Variants in EBAG9 observed in about 807,000 individuals in gnomAD.
EBAG9 encodes the protein receptor-binding cancer antigen expressed on SiSo cells.
In EBAG9, 16 loss-of-function variants were observed where a neutral mutation model predicts 30.9. The ratio of observed to expected loss-of-function variants is 0.52; its 90% CI spans 0.35 to 0.79. The LOEUF (loss-of-function observed/expected upper bound fraction) is 0.79, where lower values mean the gene tolerates loss of function less well. Ranked by LOEUF, EBAG9 falls within the 30% of genes least tolerant of loss-of-function variation. The probability of loss-of-function intolerance (pLI) is 0.01; values close to 1 mark genes in which losing one functional copy is unlikely to be tolerated. For missense variants in EBAG9, 197 were observed against 242.1 expected (o/e 0.81, Z 1.24); for synonymous variants, 93 against 82.8 (o/e 1.12, Z -0.67).
intron 5 of EBAG9, among the ~76,000 whole-genome samples, chr8:109,559,323 G>A (rs1821665887): frequency 1.3e-5 from 2 of 152,076 alleles, no homozygotes; most frequent in South Asian, 2.1e-4. Context: ...GGGTGTGGTG[G>A]TGCGTGCCTG....
At chr8:109,548,887 C>CTTTTTTTTTTTTTTTTTTTTTTTT (rs548152043) in intron 1 of EBAG9, among the ~76,000 whole-genome samples, 6 of 125,120 alleles carry the variant, frequency 4.8e-5, no homozygotes, top group East Asian at 2.2e-4. Context: ...TTTCTTTTTT[C>CTTTTTTTTTTTTTTTTTTTTTTTT]TTTTTTTTTT....
intron 1 of EBAG9, among the ~76,000 whole-genome samples, chr8:109,546,946 T>C (rs542343092): frequency 2.0e-5 from 3 of 152,374 alleles, no homozygotes; most frequent in South Asian, 2.1e-4. Flanking sequence ...CCTGTTGATA[T>C]ACATTTGTGT....
At chr8:109,550,399 G>T (rs1821468550) in intron 1 of EBAG9, 1 of 153,554 alleles carries the variant, frequency 6.5e-6, no homozygotes, top group African/African-American at 2.4e-5. Flanking sequence ...TCTATAAAAT[G>T]GATATAAGGA....
At chr8:109,561,052 A>G (rs1821700977) in intron 6 of EBAG9, 123 bp downstream of exon 6, 1 of 747,252 alleles carries the variant, frequency 1.3e-6, no homozygotes, top group East Asian at 2.8e-5. Context: ...ATCCTTAGAT[A>G]ATAAGGACTT....
intron 1 of EBAG9, among the ~76,000 whole-genome samples, chr8:109,543,509 T>C (rs142509542): frequency 2.5e-4 from 38 of 152,304 alleles, no homozygotes; most frequent in African/African-American, 8.9e-4. Flanking sequence ...TGTTTGGAAC[T>C]TTCGTATTGA....
intron 2 of EBAG9, among the ~76,000 whole-genome samples, chr8:109,552,329 C>G (rs920330317): frequency 1.3e-5 from 2 of 150,572 alleles, no homozygotes; most frequent in African/African-American, 4.9e-5. Flanking sequence ...TCTGGATGAT[C>G]ACTGGGGCAG....
chr8:109,550,657 A>G, intron 1 of EBAG9, 153 bp from the exon 2 acceptor site: 1 of 546,138 alleles, frequency 1.8e-6, no homozygotes, highest in South Asian at 2.5e-5. Flanking sequence ...AATATGATTT[A>G]AATTATAATT....
At chr8:109,543,135 C>CT (rs557388998) in intron 1 of EBAG9, among the ~76,000 whole-genome samples, 3,701 of 52,338 alleles carry the variant, frequency 0.071, 536 homozygotes, top group Non-Finnish European at 0.11. Flanking sequence ...TATTCTGGTT[C>CT]TTTTTTTTTT....
chr8:109,559,982 GA>G (rs1821679542), intron 5 of EBAG9, among the ~76,000 whole-genome samples: 1 of 152,126 alleles, frequency 6.6e-6, no homozygotes, highest in Admixed American at 6.5e-5. Flanking sequence ...ATTTTTAACA[GA>G]GTATGGTATT....
At position 109,556,946 on chromosome 8, in the gene EBAG9, G is replaced by A; in HGVS notation, c.333G>A (p.Lys111=). The change falls in exon 5 of 7, where the codon AAG becomes AAA. Residue 111 remains lysine (K), a synonymous_variant. Coordinates refer to ENST00000337573, the MANE Select transcript of EBAG9 (RefSeq NM_004215.5). ...TIRKTQKIVI[K]KREPLNFGIP... is the part of the protein sequence containing the mutation. ...AATTAATCTTTCAGATTGTTATTAA[G>A]AAGAGAGAACCATTGAATTTTGGCA... 1 of 1,585,606 alleles carries A rather than the reference G, an allele frequency of 6.3e-7. No homozygotes were observed. Among genetic ancestry groups the A allele is most frequent in the South Asian group, 1.2e-5 (1 of 86,788 alleles).
chr8:109,539,843 T>C (rs1821232952), upstream of EBAG9: 1 of 151,928 alleles, frequency 6.6e-6, no homozygotes, highest in Non-Finnish European at 1.5e-5. Context: ...GCAGCGCGCG[T>C]GAGCGCGCCT....
chr8:109,561,409 C>T (rs1821708563), intron 6 of EBAG9, among the ~76,000 whole-genome samples: 1 of 151,786 alleles, frequency 6.6e-6, no homozygotes, highest in Non-Finnish European at 1.5e-5. Flanking sequence ...TCCATGAAAG[C>T]CCTATGTGTT....
In EBAG9 at chr8:109,542,328, G is replaced by A. The variant is rs541653331; in HGVS notation, c.-16+1867G>A. 3.9e-5 allele frequency among the ~76,000 whole-genome samples: 6 copies of A among 151,952 alleles called. No homozygotes were observed. The South Asian group carries it at 8.3e-4, about 21-fold the overall frequency. ...AACCTTTAAATTTTACCTCCAGTTAGCATTGAAGTTATTCAAGTTGGCAAA... is the reference window on the plus strand; with the variant it reads ...AACCTTTAAATTTTACCTCCAGTTAACATTGAAGTTATTCAAGTTGGCAAA... On this transcript the variant is annotated intron_variant, in intron 1 of 6. Transcript: ENST00000337573.
intron 5 of EBAG9, among the ~76,000 whole-genome samples, chr8:109,560,328 C>T (rs1252884495): frequency 3.9e-5 from 6 of 152,158 alleles, no homozygotes; most frequent in Admixed American, 3.9e-4. Context: ...AGGATTGAGA[C>T]AGTAAGTGCC....
intron 3 of EBAG9, 106 bp downstream of exon 3, chr8:109,554,049 T>G (rs1028273760): frequency 7.3e-5 from 55 of 749,470 alleles, no homozygotes; most frequent in Non-Finnish European, 1.1e-4. Context: ...TAATAGAAAT[T>G]AATTTTTGTT....
chr8:109,544,406 G>A (rs557204867), intron 1 of EBAG9, among the ~76,000 whole-genome samples: 1 of 152,284 alleles, frequency 6.6e-6, no homozygotes, highest in Admixed American at 6.5e-5. Flanking sequence ...TGTTTCTAAA[G>A]GTGTTACTAA....
At chr8:109,562,190 C>T (rs1221969443) in intron 6 of EBAG9, among the ~76,000 whole-genome samples, 1 of 152,018 alleles carries the variant, frequency 6.6e-6, no homozygotes, top group Non-Finnish European at 1.5e-5. Context: ...ACCACAAAGA[C>T]AAAGGAAGGG....
chr8:109,546,369 C>G (rs960327388), intron 1 of EBAG9, among the ~76,000 whole-genome samples: 1 of 152,182 alleles, frequency 6.6e-6, no homozygotes, highest in African/African-American at 2.4e-5. Context: ...ATACACTCAC[C>G]TATGAAACCA....
At chr8:109,563,646 A>T in intron 6 of EBAG9, 7 of 1,133,574 alleles carry the variant, frequency 6.2e-6, no homozygotes, top group Non-Finnish European at 8.5e-6. Flanking sequence ...TTACACAGGT[A>T]AACATGTGTC....
Sources: gnomAD v4.1 joint callset for allele counts (sites outside exome capture counted in the v4.1 genomes callset) on GRCh38, gnomAD v4.1.1 for gene constraint, MANE v1.5 for transcripts, NCBI Gene and HGNC (gene_info 2026-07-23, HGNC 2026-07-21) for gene names.